Variants in MYH10 observed in about 807,000 individuals in gnomAD.
The protein encoded by MYH10 is myosin-10.
A neutral mutation model predicts 257.8 loss-of-function variants in MYH10; 55 were observed. The ratio of observed to expected loss-of-function variants is 0.21; its 90% CI spans 0.17 to 0.27. The LOEUF (loss-of-function observed/expected upper bound fraction) is 0.27. MYH10 is among the 10% of genes least tolerant of loss of function. MYH10 has a pLI of 1.00. For missense variants in MYH10, 1,631 were observed against 2,500.6 expected (o/e 0.65, Z 7.42); for synonymous variants, 854 against 921.7 (o/e 0.93, Z 1.33).
chr17:8,579,119 A>C (rs1355359266), intron 4 of MYH10, among the ~76,000 whole-genome samples: 1 of 152,064 alleles, frequency 6.6e-6, no homozygotes. Context: ...CTACAAAAAA[A>C]ACACAACAAA....
chr17:8,489,748 C>CACACACACACACACACA (rs1915487927), intron 35 of MYH10, among the ~76,000 whole-genome samples: 1 of 149,932 alleles, frequency 6.7e-6, no homozygotes, highest in African/African-American at 2.5e-5. Flanking sequence ...CACACACACC[C>CACACACACACACACACA]CAAATCCAAA....
chr17:8,572,598 G>C (rs959010925), intron 6 of MYH10, among the ~76,000 whole-genome samples: 3 of 152,130 alleles, frequency 2.0e-5, no homozygotes, highest in African/African-American at 7.2e-5. Flanking sequence ...GAAGCCAAAA[G>C]GTTGGAACCC....
At chr17:8,543,344 T>C (rs1286739430) in intron 13 of MYH10, among the ~76,000 whole-genome samples, 1 of 152,178 alleles carries the variant, frequency 6.6e-6, no homozygotes, top group Non-Finnish European at 1.5e-5. Flanking sequence ...CAACACTGTA[T>C]TTCTGGCACG....
rs145331684 is a variant in MYH10 at position 8,477,034 on chromosome 17, G to A, written c.5721C>T (p.Asn1907=). The change falls in exon 42 of 43, where the codon AAC becomes AAT. Residue 1907 remains asparagine (N), a synonymous_variant. Transcript: ENST00000360416. The surrounding 1 kb of genome is among the most constrained non-coding windows in gnomAD (Gnocchi z 4.2). ...DQYKEQMEKA[N]ARMKQLKRQL... is the part of the protein sequence containing the mutation. ...GGCGTTTAAGCTGCTTCATCCGAGC[G>A]TTGGCCTTCTCCATCTTGGGGAGGG... 2.7e-5 allele frequency: 44 copies of A among 1,614,088 alleles called. No individual in the cohort carries two copies. In the Admixed American group the frequency reaches 5.2e-4, roughly 19 times the overall value.
chr17:8,481,573 G>A (rs963546143), intron 37 of MYH10, 163 bp from the exon 38 acceptor site: 7 of 602,608 alleles, frequency 1.2e-5, no homozygotes, highest in African/African-American at 5.7e-5. Flanking sequence ...AAATCTGCTC[G>A]GTGCAGGCCA....
rs573395840 is a variant in MYH10 at position 8,498,705 on chromosome 17, G to A, written c.3951+565C>T. 3.3e-5 allele frequency among the ~76,000 whole-genome samples: 5 copies of A among 152,016 alleles called. No individual in the cohort carries two copies. In the East Asian group the frequency reaches 7.8e-4, roughly 24 times the overall value. ...TACTAAAAAATTCAAAAAATTAGCC[G>A]GACATGGTGGCGGGTGCCTGTAGTC... is the stretch of plus-strand genomic sequence containing the variant. On this transcript the variant is annotated intron_variant, in intron 30 of 42. Coordinates refer to ENST00000360416, the MANE Select transcript of MYH10 (RefSeq NM_001256012.3).
rs751209273 is a variant in MYH10, at chr17:8,493,024, A to G, written c.4210T>C (p.Leu1404=). ...EKQVLALQSQ[L]ADTKKKVDDD... is the part of the protein sequence containing the mutation. ...TCTACTTTCTTCTTGGTATCAGCCA[A>G]CTAGGTTTTGTGTACGGACAAACAG... The change falls in exon 33 of 43, where the codon TTG becomes CTG. Residue 1404 remains leucine, a splice_region_variant and synonymous_variant. Coordinates refer to ENST00000360416, the MANE Select transcript of MYH10 (RefSeq NM_001256012.3). The G allele has an allele frequency of 2.5e-6, 4 of 1,612,822 alleles. No homozygotes were observed. Among genetic ancestry groups the G allele is most frequent in the East Asian group, 2.2e-5 (1 of 44,874 alleles).
intron 4 of MYH10, among the ~76,000 whole-genome samples, chr17:8,581,913 T>C (rs769507202): frequency 3.3e-5 from 5 of 152,244 alleles, no homozygotes; most frequent in Non-Finnish European, 7.3e-5. Flanking sequence ...ACTCCCTAGC[T>C]ATGGAGCTTT....
At chr17:8,622,787 A>T (rs1227360372) in intron 2 of MYH10, 115 bp downstream of exon 2, 1 of 1,228,458 alleles carries the variant, frequency 8.1e-7, no homozygotes, top group Admixed American at 2.8e-5. Flanking sequence ...AGAGAAATAG[A>T]AATGTTAAAC....
At chr17:8,625,244 C>G (rs1178907381) in intron 1 of MYH10, among the ~76,000 whole-genome samples, 1 of 152,130 alleles carries the variant, frequency 6.6e-6, no homozygotes, top group African/African-American at 2.4e-5. Context: ...GAGCAAGACT[C>G]CGTCTCAAAA....
At position 8,509,798 on chromosome 17, in the gene MYH10, G is replaced by A; in HGVS notation, c.3090+14C>T. ...TGTAACTAAAATCAGCTTTTTGTGG[G>A]AACACTCTCTTACTTTGATGAACTT... On this transcript the variant is annotated intron_variant, in intron 25 of 42. Transcript: ENST00000360416. 1 of 1,587,070 alleles carries A rather than the reference G, an allele frequency of 6.3e-7. No individual in the cohort carries two copies. Among genetic ancestry groups the A allele is most frequent in the African/African-American group, 1.4e-5 (1 of 73,194 alleles).
chr17:8,513,611 T>A lies in MYH10; in HGVS notation c.2672A>T (p.Glu891Val). 6.2e-7 allele frequency: 1 copy of A among 1,614,146 alleles called. No homozygotes were observed. Among genetic ancestry groups the A allele is most frequent in the Non-Finnish European group, 8.5e-7 (1 of 1,180,034 alleles). ...CTGCTTCTCCTTCACCTTCAACAGC[T>A]CTTCATCTTTGGCCTGAAGTTCTTC... ...QEEELQAKDE[E>V]LLKVKEKQTK... Residue 891 changes from glutamate (E) to valine (V), a missense_variant, in exon 23 of 43, where the codon GAG (glutamate) becomes GTG (valine). By Grantham distance (121) the Glu-to-Val change is moderately radical. This residue lies in a region of MYH10 where 116 missense variants were observed against 221.6 expected (regional missense o/e 0.52). Coordinates refer to ENST00000360416, the MANE Select transcript of MYH10 (RefSeq NM_001256012.3).
At chr17:8,509,415 C>T (rs770835658) in intron 25 of MYH10, among the ~76,000 whole-genome samples, 5 of 152,202 alleles carry the variant, frequency 3.3e-5, no homozygotes, top group Admixed American at 6.5e-5. Flanking sequence ...AAACAACACA[C>T]GACTGTACTC....
At position 8,490,665 on chromosome 17, in the gene MYH10, C is replaced by G; in HGVS notation, c.4672-113G>C. 2 of 968,340 alleles carry G rather than the reference C, an allele frequency of 2.1e-6. No homozygotes were observed. The highest frequency in any genetic ancestry group is 3.2e-6 in the Non-Finnish European group (2 of 622,716). The allele number at this position is 968,340 out of a possible 1,614,324, so 60.0% of individuals were successfully genotyped here. On this transcript the variant is annotated intron_variant, in intron 34 of 42. Coordinates refer to ENST00000360416, the MANE Select transcript of MYH10 (RefSeq NM_001256012.3). The surrounding 1 kb of genome is among the most constrained non-coding windows in gnomAD (Gnocchi z 4.1). ...TGGCATGCTGGCCACTTTGGTCCCCCTGGGCCGGCCCCCTGCCACATGCAT... is the reference window on the plus strand; with the variant it reads ...TGGCATGCTGGCCACTTTGGTCCCCGTGGGCCGGCCCCCTGCCACATGCAT...
At position 8,569,824 on chromosome 17, in the gene MYH10, TAC is replaced by T; in HGVS notation, c.664-14_664-13del. 5.1e-6 allele frequency: 8 copies of T among 1,581,562 alleles called. No individual in the cohort carries two copies. Among genetic ancestry groups the T allele is most frequent in the Non-Finnish European group, 5.2e-6 (6 of 1,156,704 alleles). ...CGTTCAAGTTCCCCCTAAAAGACATTACACACACACAAATAAAAGCAGATGTA... is the reference window on the plus strand; with the variant it reads ...CGTTCAAGTTCCCCCTAAAAGACATTACACACACAAATAAAAGCAGATGTA... On this transcript the variant is annotated splice_polypyrimidine_tract_variant and intron_variant, in intron 6 of 42. Transcript: ENST00000360416. The surrounding 1 kb of genome is among the most constrained non-coding windows in gnomAD (Gnocchi z 4.1).
intron 3 of MYH10, 70 bp downstream of exon 3, chr17:8,604,756 G>A (rs1597954001): frequency 1.8e-6 from 2 of 1,117,174 alleles, no homozygotes; most frequent in Non-Finnish European, 2.4e-6. Flanking sequence ...AGAATACATT[G>A]AGACATTAAA....
intron 12 of MYH10, among the ~76,000 whole-genome samples, chr17:8,546,297 G>C (rs1283996387): frequency 6.6e-6 from 1 of 152,004 alleles, no homozygotes; most frequent in African/African-American, 2.4e-5. Context: ...GACCTCAGGT[G>C]ATCTGCCCAC....
chr17:8,572,334 T>C (rs2083378407), intron 6 of MYH10, among the ~76,000 whole-genome samples: 1 of 152,112 alleles, frequency 6.6e-6, no homozygotes, highest in East Asian at 1.9e-4. Flanking sequence ...GTAACCTGGT[T>C]GTATCCCCTG....
intron 13 of MYH10, among the ~76,000 whole-genome samples, chr17:8,544,058 T>C (rs544110702): frequency 1.3e-5 from 2 of 152,358 alleles, no homozygotes; most frequent in South Asian, 4.1e-4. Flanking sequence ...TTGTGGGATC[T>C]TTCCTTAGTG....
Sources: allele counts gnomAD v4.1 joint callset (sites outside exome capture counted in the v4.1 genomes callset), GRCh38; gene constraint gnomAD v4.1.1; regional missense constraint gnomAD v4.1.1; non-coding constraint Gnocchi (gnomAD v3.1); transcripts MANE v1.5; gene names NCBI Gene and HGNC (gene_info 2026-07-23, HGNC 2026-07-21).